The following EBF1 variants were observed in gnomAD, a reference collection of about 807,000 sequenced individuals.
EBF1 encodes transcription factor COE1.
EBF1 carries 10 observed loss-of-function variants against 68.4 expected under a neutral mutation model. The ratio of observed to expected loss-of-function variants is 0.15; its 90% CI spans 0.09 to 0.25. The LOEUF (loss-of-function observed/expected upper bound fraction) is 0.25. Among genes scored for constraint, EBF1 ranks in the 10% least tolerant of loss-of-function variants. The pLI is 1.00. For synonymous variants in EBF1, 298 were observed against 299.8 expected (o/e 0.99, Z 0.06); for missense variants, 509 against 794.4 (o/e 0.64, Z 4.32).
chr5:158,969,788 AAAG>A (rs1425122103), intron 6 of EBF1, among the ~76,000 whole-genome samples: 1 of 149,992 alleles, frequency 6.7e-6, no homozygotes, highest in Non-Finnish European at 1.5e-5. Flanking sequence ...AGAAAGAGAA[AAAG>A]AAGAAAGAGA....
chr5:159,038,639 C>T (rs1231364118), intron 6 of EBF1, among the ~76,000 whole-genome samples: 1 of 152,160 alleles, frequency 6.6e-6, no homozygotes, highest in South Asian at 2.1e-4. Context: ...GGGATCAGAC[C>T]TCATTCCTAA....
At chr5:158,764,230 T>C (rs2127628622) in intron 10 of EBF1, among the ~76,000 whole-genome samples, 1 of 152,286 alleles carries the variant, frequency 6.6e-6, no homozygotes, top group East Asian at 1.9e-4. Context: ...TATAACTAGG[T>C]GAGCCTAAGG....
chr5:158,847,453 G>A (rs2127988712), intron 6 of EBF1, among the ~76,000 whole-genome samples: 1 of 152,258 alleles, frequency 6.6e-6, no homozygotes, highest in South Asian at 2.1e-4. Flanking sequence ...ACAGAGAAGG[G>A]AGGTTAGAGC....
intron 6 of EBF1, among the ~76,000 whole-genome samples, chr5:158,922,351 A>G (rs1478134127): frequency 6.6e-6 from 1 of 152,176 alleles, no homozygotes; most frequent in African/African-American, 2.4e-5. Context: ...GAGTGTCTGC[A>G]TCTGTCATCC....
chr5:158,948,258 G>A (rs1186833680), intron 6 of EBF1, among the ~76,000 whole-genome samples: 1 of 152,078 alleles, frequency 6.6e-6, no homozygotes, highest in African/African-American at 2.4e-5. Context: ...GTGATGTAGG[G>A]GAGGCCCGAG....
At position 158,934,038 on chromosome 5, in the gene EBF1, T is replaced by C. The variant is rs377352576; in HGVS notation, c.555-93928A>G. Among the ~76,000 whole-genome samples, 284 of 152,202 alleles carry C rather than the reference T, an allele frequency of 1.9e-3. 1 individual carries two copies. Among genetic ancestry groups the C allele is most frequent in the African/African-American group, 6.6e-3 (276 of 41,510 alleles). On this transcript the variant is annotated intron_variant, in intron 6 of 15. Transcript: ENST00000313708. Reference sequence around the variant, plus strand: ...TCAGTATCTATCGTACTATTGAAAATAGAATCTCAAAACCATGATATGGAG... The same window carrying C: ...TCAGTATCTATCGTACTATTGAAAACAGAATCTCAAAACCATGATATGGAG...
At chr5:158,984,322 T>G (rs1758517170) in intron 6 of EBF1, among the ~76,000 whole-genome samples, 1 of 152,202 alleles carries the variant, frequency 6.6e-6, no homozygotes, top group Non-Finnish European at 1.5e-5. Context: ...GTTTCTCAAG[T>G]CTCTTGTTCA....
chr5:159,082,873 T>C (rs1315549439), intron 5 of EBF1, among the ~76,000 whole-genome samples: 1 of 152,192 alleles, frequency 6.6e-6, no homozygotes, highest in Non-Finnish European at 1.5e-5. Context: ...TTTATGTTTC[T>C]GAAAAATAGA....
intron 10 of EBF1, among the ~76,000 whole-genome samples, chr5:158,766,004 A>G (rs1048570771): frequency 6.6e-6 from 1 of 152,230 alleles, no homozygotes; most frequent in Non-Finnish European, 1.5e-5. Context: ...GAGTATTTTT[A>G]AAGCAAGATG....
intron 11 of EBF1, among the ~76,000 whole-genome samples, chr5:158,719,245 T>C (rs948159631): frequency 2.6e-5 from 4 of 152,162 alleles, no homozygotes; most frequent in African/African-American, 7.2e-5. Flanking sequence ...GGCTTGGACT[T>C]ACATTTTAAT....
chr5:158,918,865 A>C (rs1419747070), intron 6 of EBF1, among the ~76,000 whole-genome samples: 2 of 152,250 alleles, frequency 1.3e-5, no homozygotes, highest in Admixed American at 1.3e-4. Context: ...CAGCCCATGC[A>C]TTCAGAAATG....
chr5:158,961,703 T>A (rs1818214537), intron 6 of EBF1, among the ~76,000 whole-genome samples: 1 of 152,236 alleles, frequency 6.6e-6, no homozygotes, highest in Admixed American at 6.5e-5. Context: ...AAGTTACTCT[T>A]TTAATTTATT....
At chr5:158,817,715 CCT>C (rs1562014144) in intron 8 of EBF1, among the ~76,000 whole-genome samples, 1 of 152,200 alleles carries the variant, frequency 6.6e-6, no homozygotes, top group Non-Finnish European at 1.5e-5. Flanking sequence ...TCATTACTCT[CCT>C]CTGCTTTTGT....
At chr5:158,985,358 T>C (rs564101096) in intron 6 of EBF1, among the ~76,000 whole-genome samples, 44 of 152,210 alleles carry the variant, frequency 2.9e-4, no homozygotes, top group Non-Finnish European at 5.6e-4. Flanking sequence ...TCAACCTGAC[T>C]GCACACTACA....
rs149573982 is a variant in EBF1 at position 158,921,555 on chromosome 5, G to A, written c.555-81445C>T. Among the ~76,000 whole-genome samples, 800 of 152,240 alleles carry A rather than the reference G, an allele frequency of 5.3e-3. 4 individuals are homozygous for A. The highest frequency in any genetic ancestry group is 7.3e-3 in the Non-Finnish European group (495 of 68,028). ...TAGTCCTGCCAAAGGTCATCCTTCA[G>A]GTTCACAAATGAGTCATTTGTATCA... On this transcript the variant is annotated intron_variant, in intron 6 of 15. Coordinates refer to ENST00000313708, the MANE Select transcript of EBF1 (RefSeq NM_024007.5).
rs140869908 is a variant in EBF1, at chr5:158,929,387, A to C, written c.555-89277T>G. ...GATAAAAGAAATGGTATATTTCTAC[A>C]TAATGTTTCCTCTTCTAAGCCTCAT... On this transcript the variant is annotated intron_variant, in intron 6 of 15. Transcript: ENST00000313708. Among the ~76,000 whole-genome samples, 1,452 of 152,340 alleles carry C rather than the reference A, an allele frequency of 9.5e-3. 12 individuals carry two copies. The highest frequency in any genetic ancestry group is 0.015 in the Non-Finnish European group (1,035 of 68,036).
At chr5:159,045,233 A>T (rs1486986693) in intron 6 of EBF1, among the ~76,000 whole-genome samples, 1 of 152,016 alleles carries the variant, frequency 6.6e-6, no homozygotes, top group African/African-American at 2.4e-5. Context: ...TTAAATTTTC[A>T]TGTGGAGAAG....
At chr5:158,799,209 CTTGTG>C (rs1471523728) in intron 8 of EBF1, among the ~76,000 whole-genome samples, 5 of 152,212 alleles carry the variant, frequency 3.3e-5, no homozygotes, top group South Asian at 2.1e-4. Context: ...GAAAGGATCT[CTTGTG>C]GTCAAGAGTT....
chr5:159,040,533 C>T (rs1770984268), intron 6 of EBF1, among the ~76,000 whole-genome samples: 1 of 152,194 alleles, frequency 6.6e-6, no homozygotes, highest in East Asian at 1.9e-4. Context: ...CCTCAGTGCC[C>T]TTGGTGTTGC....
Sources: allele counts gnomAD v4.1 joint callset (sites outside exome capture counted in the v4.1 genomes callset), GRCh38; gene constraint gnomAD v4.1.1; transcripts MANE v1.5; gene names NCBI Gene and HGNC (gene_info 2026-07-23, HGNC 2026-07-21).